SEC14L1: variants seen among roughly 807,000 people sequenced by gnomAD.
SEC14L1 encodes SEC14 like lipid binding 1.
A neutral mutation model predicts 85.3 loss-of-function variants in SEC14L1; 48 were observed. That is an observed-to-expected ratio of 0.56 (90% CI 0.45 to 0.72). The LOEUF is 0.72. Ranked by LOEUF, SEC14L1 falls within the 30% of genes least tolerant of loss-of-function variation. SEC14L1 has a pLI of 0.00. For synonymous variants in SEC14L1, 391 were observed against 355.5 expected (o/e 1.10, Z -1.12); for missense variants, 682 against 921.4 (o/e 0.74, Z 3.36).
intron 3 of SEC14L1, among the ~76,000 whole-genome samples, chr17:77,158,237 C>T (rs189828054): frequency 5.2e-4 from 79 of 152,326 alleles, no homozygotes; most frequent in Non-Finnish European, 9.7e-4. Flanking sequence ...AAATTCACAT[C>T]GTTGTGCAGC....
At chr17:77,120,457 A>T (rs1217595201) in intron 3 of SEC14L1, among the ~76,000 whole-genome samples, 1 of 150,814 alleles carries the variant, frequency 6.6e-6, no homozygotes, top group Non-Finnish European at 1.5e-5. Context: ...GCTGCCCCGG[A>T]GTTTCTGATC....
At chr17:77,141,809 C>T (rs1196512852) in intron 1 of SEC14L1, 4 of 152,172 alleles carry the variant, frequency 2.6e-5, no homozygotes, top group Non-Finnish European at 5.9e-5. Context: ...TGCTTCTTCC[C>T]CCAACTCTTG....
chr17:77,137,188 C>T (rs1467893114), upstream of SEC14L1, among the ~76,000 whole-genome samples: 1 of 152,128 alleles, frequency 6.6e-6, no homozygotes, highest in African/African-American at 2.4e-5. Flanking sequence ...GGATTACAAG[C>T]GTGAGCCACC....
intron 3 of SEC14L1, among the ~76,000 whole-genome samples, chr17:77,177,294 T>A (rs1041178553): frequency 9.9e-5 from 15 of 151,524 alleles, no homozygotes; most frequent in African/African-American, 3.4e-4. Context: ...GATGTCCGTA[T>A]TGAGATCGTT....
chr17:77,210,155 T>C (rs1976675487), intron 14 of SEC14L1: 1 of 152,368 alleles, frequency 6.6e-6, no homozygotes, highest in Non-Finnish European at 1.5e-5. Flanking sequence ...TTTGCTACTT[T>C]TTCTTGGCTG....
At chr17:77,203,763 C>T (rs1976306995) in intron 10 of SEC14L1, 105 bp downstream of exon 10, 1 of 793,594 alleles carries the variant, frequency 1.3e-6, no homozygotes, top group Non-Finnish European at 2.1e-6. Context: ...ACATGAATTG[C>T]TTATGTAGTT....
intron 3 of SEC14L1, among the ~76,000 whole-genome samples, chr17:77,182,336 C>T (rs901706602): frequency 2.6e-5 from 4 of 152,170 alleles, no homozygotes; most frequent in Middle Eastern, 3.2e-3. Context: ...TGGTTAAAAG[C>T]TGAAAGTGCT....
intron 3 of SEC14L1, among the ~76,000 whole-genome samples, chr17:77,164,697 A>G (rs1383009078): frequency 6.6e-6 from 1 of 151,992 alleles, no homozygotes; most frequent in Non-Finnish European, 1.5e-5. Context: ...AGTTGCAGAC[A>G]TGATAATTGG....
chr17:77,138,951 C>T (rs1444454338), upstream of SEC14L1, among the ~76,000 whole-genome samples: 2 of 152,156 alleles, frequency 1.3e-5, no homozygotes, highest in Non-Finnish European at 2.9e-5. Context: ...ATGTATGGCT[C>T]AACAAATTTC....
At chr17:77,104,246 C>T (rs1300769958) in intron 3 of SEC14L1, among the ~76,000 whole-genome samples, 1 of 150,366 alleles carries the variant, frequency 6.7e-6, no homozygotes, top group Non-Finnish European at 1.5e-5. Flanking sequence ...CAGTCAGCCT[C>T]CTGAGTAGCT....
rs1489334360 is a variant in SEC14L1, at chr17:77,203,644, G to C, written c.1084G>C (p.Ala362Pro). 7 of 1,613,186 alleles carry C rather than the reference G, an allele frequency of 4.3e-6. No individual in the cohort carries two copies. Among genetic ancestry groups the C allele is most frequent in the Non-Finnish European group, 5.9e-6 (7 of 1,179,752 alleles). ...KGLVRALGEE[A>P]LLRYVLSINE... ...CTTGGTGAGAGCGCTCGGGGAGGAA[G>C]CCCTGCTGAGATACGTAAGTGCGCG... The change falls in exon 10 of 17, where the codon GCC (alanine) becomes CCC (proline). Residue 362 changes from alanine (A) to proline (P), a missense_variant. Transcript: ENST00000436233.
chr17:77,214,002 C>A lies in SEC14L1; in HGVS notation c.2127C>A (p.Ser709=). The A allele has an allele frequency of 6.2e-7, 1 of 1,613,206 alleles. No individual in the cohort carries two copies. Among genetic ancestry groups the A allele is most frequent in the African/African-American group, 1.3e-5 (1 of 74,992 alleles). Residue 709 remains serine (S), a synonymous_variant, in exon 17 of 17, where the codon TCC becomes TCA. Coordinates refer to ENST00000436233, the MANE Select transcript of SEC14L1 (RefSeq NM_001143998.2). ...CCACCTCCTCCAGCCAGTCCCACTC[C>A]AGCTCCATGATCTCCAGGTAGTGCC... The part of the protein sequence containing the change: ...AATTSSSQSH[S]SSMISR
rs962748834 is a variant in SEC14L1, at chr17:77,107,847, A to T, written c.-136+14500A>T. 2.0e-5 allele frequency among the ~76,000 whole-genome samples: 3 copies of T among 152,178 alleles called. No individual in the cohort carries two copies. In the East Asian group the frequency reaches 5.8e-4, roughly 29 times the overall value. On this transcript the variant is annotated intron_variant, in intron 3 of 19. Transcript: ENST00000392476. ...CAGATGCCTGAAAGTCCCTTTGAGA[A>T]AGGAGCCATGCTGGCTGGTTTTAGC... is the stretch of plus-strand genomic sequence containing the variant.
At chr17:77,147,085 G>C (rs902763469) in intron 3 of SEC14L1, among the ~76,000 whole-genome samples, 5 of 152,238 alleles carry the variant, frequency 3.3e-5, no homozygotes, top group Admixed American at 1.3e-4. Flanking sequence ...AGAACGCACG[G>C]TGGCGGCAGG....
Position 77,190,709 on chromosome 17 carries a change from C to T in SEC14L1, c.64-94C>T, listed in dbSNP as rs564520050. On this transcript the variant is annotated intron_variant, in intron 3 of 16. Coordinates refer to ENST00000436233, the MANE Select transcript of SEC14L1 (RefSeq NM_001143998.2). ...TTGTGGCGCTGCCTGTTGCCGTGCACCGAGAGGTGCTGTTCCAGGGAGAAC... is the reference window on the plus strand; with the variant it reads ...TTGTGGCGCTGCCTGTTGCCGTGCATCGAGAGGTGCTGTTCCAGGGAGAAC... The T allele has an allele frequency of 3.8e-6, 5 of 1,327,498 alleles. 1 individual carries two copies. The South Asian group carries it at 3.9e-5, about 10-fold the overall frequency. 82.2% of individuals were successfully genotyped at this position (1,327,498 alleles called of 1,614,324 possible).
At chr17:77,158,756 ATACATTTTTAAAGTTTCAAT>A (rs1253383605) in intron 3 of SEC14L1, among the ~76,000 whole-genome samples, 1 of 130,144 alleles carries the variant, frequency 7.7e-6, no homozygotes, top group African/African-American at 3.0e-5. Context: ...TGTCTGTACT[ATACATTTTTAAAGTTTCAAT>A]TACATTTTAT....
chr17:77,203,309 C>G (rs977908316), intron 9 of SEC14L1, among the ~76,000 whole-genome samples: 6 of 152,160 alleles, frequency 3.9e-5, no homozygotes, highest in African/African-American at 1.4e-4. Context: ...TCCCCTCATC[C>G]CGGCACAGCC....
intron 3 of SEC14L1, among the ~76,000 whole-genome samples, chr17:77,148,783 A>G (rs761587488): frequency 2.0e-5 from 3 of 152,090 alleles, no homozygotes; most frequent in Admixed American, 6.5e-5. Flanking sequence ...CCTGCCACAC[A>G]CTTTCCATTG....
intron 3 of SEC14L1, among the ~76,000 whole-genome samples, chr17:77,113,812 C>G (rs1405950634): frequency 6.6e-6 from 1 of 152,160 alleles, no homozygotes; most frequent in African/African-American, 2.4e-5. Flanking sequence ...CTAAGCCACC[C>G]ATGAGACACT....
Sources: allele counts gnomAD v4.1 joint callset (sites outside exome capture counted in the v4.1 genomes callset), GRCh38; gene constraint gnomAD v4.1.1; transcripts MANE v1.5; gene names NCBI Gene and HGNC (gene_info 2026-07-23, HGNC 2026-07-21).